Variants in DLG2 observed in about 807,000 individuals in gnomAD.
The protein encoded by DLG2 is discs large MAGUK scaffold protein 2, also known as disks large homolog 2.
Under a neutral mutation model 132.5 loss-of-function variants are expected in DLG2, and 45 were observed. That is an observed-to-expected ratio of 0.34 (90% CI 0.27 to 0.44). The LOEUF (loss-of-function observed/expected upper bound fraction) is 0.44. Ranked by LOEUF, DLG2 falls within the 20% of genes least tolerant of loss-of-function variation. The pLI is 1.00. For missense variants in DLG2, 1,045 were observed against 1,196.9 expected, an observed-to-expected ratio of 0.87 and a Z score of 1.87; for synonymous variants, 424 against 419.6, an observed-to-expected ratio of 1.01 and a Z score of -0.13.
At chr11:84,268,717 T>C (rs2097680645) in intron 7 of DLG2, among the ~76,000 whole-genome samples, 1 of 152,052 alleles carries the variant, frequency 6.6e-6, no homozygotes, top group African/African-American at 2.4e-5. Flanking sequence ...CGCCTCAGCC[T>C]CCCAAAGTGC....
At chr11:84,882,429 C>T (rs148434282) in intron 6 of DLG2, among the ~76,000 whole-genome samples, 94 of 152,128 alleles carry the variant, frequency 6.2e-4, no homozygotes, top group African/African-American at 2.2e-3. Flanking sequence ...AAGCCTTCTC[C>T]TACAGGTGTT....
At chr11:83,670,402 G>A (rs934803826) in intron 18 of DLG2, among the ~76,000 whole-genome samples, 3 of 151,926 alleles carry the variant, frequency 2.0e-5, no homozygotes, top group Non-Finnish European at 4.4e-5. Flanking sequence ...CCCATCACTG[G>A]TGACTCTATA....
intron 6 of DLG2, among the ~76,000 whole-genome samples, chr11:84,707,996 C>A (rs934009778): frequency 1.3e-5 from 2 of 151,778 alleles, no homozygotes; most frequent in Middle Eastern, 3.2e-3. Context: ...GGGCTTAAAC[C>A]CAAGTGCCAC....
chr11:84,075,175 G>GA (rs2096811552), intron 10 of DLG2, among the ~76,000 whole-genome samples: 1 of 152,110 alleles, frequency 6.6e-6, no homozygotes, highest in Non-Finnish European at 1.5e-5. Context: ...GGCCTAACTT[G>GA]ATTATTTAAT....
intron 11 of DLG2, among the ~76,000 whole-genome samples, chr11:84,039,952 G>A (rs2096012026): frequency 6.8e-6 from 1 of 148,010 alleles, no homozygotes; most frequent in South Asian, 2.2e-4. Flanking sequence ...GTTTTGATTT[G>A]CATTTCTCTG....
In DLG2 at chr11:83,949,286, C is replaced by A. The variant is rs145584825; in HGVS notation, c.1340+13599G>T. Among the ~76,000 whole-genome samples, 351 of 152,194 alleles carry A rather than the reference C, an allele frequency of 2.3e-3. 3 individuals are homozygous for A. The highest frequency in any genetic ancestry group is 8.0e-3 in the African/African-American group (332 of 41,536). ...TAAATGGTGTTCCTTTCCCATAGCT[C>A]TTTAAGATTCAATACCATGTTGTAT... On this transcript the variant is annotated intron_variant, in intron 14 of 27. Transcript: ENST00000376104.
At chr11:83,511,256 C>A (rs966627260) in intron 21 of DLG2, among the ~76,000 whole-genome samples, 3 of 152,130 alleles carry the variant, frequency 2.0e-5, no homozygotes, top group Non-Finnish European at 4.4e-5. Flanking sequence ...TGTTTTCCTT[C>A]AATGCTTCTT....
At chr11:85,036,365 A>T (rs2061434481) in intron 6 of DLG2, among the ~76,000 whole-genome samples, 1 of 152,056 alleles carries the variant, frequency 6.6e-6, no homozygotes, top group African/African-American at 2.4e-5. Context: ...CCCCCACTAG[A>T]ATGTAGGCGG....
rs149144466 is a variant in DLG2, at chr11:83,891,434, T to G, written c.1497-16946A>C. Reference sequence around the variant, plus strand: ...AACAGGGAGTACTGCTCTTTGGAGTTTGGAATATATTCTGTAGGCAAAGAA... The same window carrying G: ...AACAGGGAGTACTGCTCTTTGGAGTGTGGAATATATTCTGTAGGCAAAGAA... On this transcript the variant is annotated intron_variant, in intron 15 of 27. Coordinates refer to ENST00000376104, the MANE Select transcript of DLG2 (RefSeq NM_001142699.3). Among the ~76,000 whole-genome samples, 642 of 152,304 alleles carry G rather than the reference T, an allele frequency of 4.2e-3. 5 individuals carry two copies. The highest frequency in any genetic ancestry group is 0.015 in the African/African-American group (613 of 41,564).
At chr11:84,436,201 T>G (rs991364001) in intron 7 of DLG2, among the ~76,000 whole-genome samples, 1 of 152,142 alleles carries the variant, frequency 6.6e-6, no homozygotes, top group Non-Finnish European at 1.5e-5. Context: ...CCACCAAAAG[T>G]GTTATTAAAT....
At chr11:85,089,663 G>A (rs936338942) in intron 6 of DLG2, among the ~76,000 whole-genome samples, 6 of 152,136 alleles carry the variant, frequency 3.9e-5, no homozygotes, top group Non-Finnish European at 8.8e-5. Flanking sequence ...GGATTGCTGG[G>A]TTAAATGGTA....
chr11:84,420,948 G>T (rs185584507), intron 7 of DLG2, among the ~76,000 whole-genome samples: 144 of 152,132 alleles, frequency 9.5e-4, no homozygotes, highest in Middle Eastern at 3.4e-3. Flanking sequence ...GATTACAGGC[G>T]TGAGCCACCG....
At chr11:85,448,440 T>G (rs1261252252) in intron 3 of DLG2, among the ~76,000 whole-genome samples, 1 of 152,140 alleles carries the variant, frequency 6.6e-6, no homozygotes, top group Non-Finnish European at 1.5e-5. Flanking sequence ...TTCATCAGGC[T>G]GGAATAATAG....
intron 7 of DLG2, among the ~76,000 whole-genome samples, chr11:84,484,378 G>C (rs1277469790): frequency 6.6e-6 from 1 of 152,030 alleles, no homozygotes; most frequent in East Asian, 1.9e-4. Context: ...CACTCACTGT[G>C]GACACAACGT....
intron 9 of DLG2, among the ~76,000 whole-genome samples, chr11:84,115,208 A>G (rs546983445): frequency 1.3e-5 from 2 of 152,318 alleles, no homozygotes; most frequent in Admixed American, 6.5e-5. Flanking sequence ...CCAATAATCC[A>G]AACTCCCCTC....
chr11:84,861,618 C>CAAAAAAAAAAAAAAAA lies in DLG2; in HGVS notation c.357+250027_357+250042dup, dbSNP rs1177657034. The stretch of plus-strand genomic sequence containing the variant: ...ATTAAACTAAAGAGCTTCTACACAG[C>CAAAAAAAAAAAAAAAA]AAAAAAAAAAAAAAAAAAAAACAAA... On this transcript the variant is annotated intron_variant, in intron 6 of 27. Transcript: ENST00000376104. Among the ~76,000 whole-genome samples, 62 of 35,816 alleles carry CAAAAAAAAAAAAAAAA rather than the reference C, an allele frequency of 1.7e-3. 4 individuals carry two copies. Among genetic ancestry groups the CAAAAAAAAAAAAAAAA allele is most frequent in the African/African-American group, 6.3e-3 (49 of 7,780 alleles). 23.5% of individuals were successfully genotyped at this position (35,816 alleles called of 152,430 possible). A position where few individuals can be genotyped will look rare whatever the true frequency, so the allele number is the denominator to read the frequency against.
intron 16 of DLG2, among the ~76,000 whole-genome samples, chr11:83,871,811 C>T (rs1189588657): frequency 6.6e-6 from 1 of 152,098 alleles, no homozygotes; most frequent in African/African-American, 2.4e-5. Context: ...TAAACAAATA[C>T]ATATAAACAT....
intron 7 of DLG2, among the ~76,000 whole-genome samples, chr11:84,357,046 G>A (rs1472719577): frequency 1.3e-5 from 2 of 152,098 alleles, no homozygotes; most frequent in African/African-American, 2.4e-5. Flanking sequence ...AGTAAGAGGC[G>A]AGGTAGGAGA....
At chr11:84,894,082 A>G (rs1315995722) in intron 6 of DLG2, among the ~76,000 whole-genome samples, 1 of 152,200 alleles carries the variant, frequency 6.6e-6, no homozygotes, top group East Asian at 1.9e-4. Context: ...ATCTATGTAT[A>G]CAATGCCATC....
Sources: gnomAD v4.1 joint callset for allele counts (sites outside exome capture counted in the v4.1 genomes callset) on GRCh38, gnomAD v4.1.1 for gene constraint, MANE v1.5 for transcripts, NCBI Gene and HGNC (gene_info 2026-07-23, HGNC 2026-07-21) for gene names.